ROBO3: variants seen among roughly 807,000 people sequenced by gnomAD.
ROBO3 encodes the protein roundabout guidance receptor 3.
ROBO3 carries 97 observed loss-of-function variants against 160.5 expected under a neutral mutation model. The observed-to-expected ratio is 0.60, with a 90% CI of 0.51 to 0.72. The LOEUF (loss-of-function observed/expected upper bound fraction) is 0.72, where lower values mean the gene tolerates loss of function less well. ROBO3 is among the 30% of genes least tolerant of loss of function. ROBO3 has a pLI of 0.00. For synonymous variants in ROBO3, 780 were observed against 746.2 expected (o/e 1.05, Z -0.74); for missense variants, 1,858 against 1,846.5 (o/e 1.01, Z -0.11).
At position 124,869,088 on chromosome 11, in the gene ROBO3, G is replaced by T; in HGVS notation, c.447G>T (p.Leu149=). The change falls in exon 2 of 28, where the codon CTG becomes CTT. Residue 149 remains leucine, a synonymous_variant. Transcript: ENST00000397801. The surrounding 1 kb of genome is among the most constrained non-coding windows in gnomAD (Gnocchi z 4.2). ...ACACTTGCGTGGCTCGCAACTACCT[G>T]GGGGCAGCAGCGAGCAGAAACGCCT... ...GVYTCVARNY[L]GAAASRNASL... 6.3e-7 allele frequency: 1 copy of T among 1,584,912 alleles called. No individual in the cohort carries two copies. The highest frequency in any genetic ancestry group is 1.3e-5 in the African/African-American group (1 of 74,278).
intron 27 of ROBO3, among the ~76,000 whole-genome samples, chr11:124,880,960 G>A: frequency 6.6e-6 from 1 of 152,146 alleles, no homozygotes; most frequent in East Asian, 1.9e-4. Context: ...GGCTTGAGGT[G>A]GGAGGATAGC....
In ROBO3 at chr11:124,878,513, A is replaced by G; in HGVS notation, c.3321-71A>G. On this transcript the variant is annotated intron_variant, in intron 22 of 27. Transcript: ENST00000397801. This position sits in a 1 kb window ranked among gnomAD's most constrained non-coding sequence, Gnocchi z 4.3. ...CTGCTGGGGAGGAAGGGGAGGGGGC[A>G]GCAGGAAGGCCAACGGGAAGGTATG... 2.5e-6 allele frequency: 4 copies of G among 1,600,944 alleles called. No homozygotes were observed. The South Asian group carries it at 3.3e-5, about 13-fold the overall frequency.
In ROBO3 at chr11:124,872,438, A is replaced by G; in HGVS notation, c.1216A>G (p.Arg406Gly). Residue 406 changes from arginine (R) to glycine (G), a missense_variant, in exon 8 of 28, where the codon AGA (arginine) becomes GGA (glycine). Coordinates refer to ENST00000397801, the MANE Select transcript of ROBO3 (RefSeq NM_022370.4). This position sits in a 1 kb window ranked among gnomAD's most constrained non-coding sequence, Gnocchi z 4.3. ...QPTGRFSVSP[R>G]GQLNITAVQR... ...GACGGGGCGCTTCTCAGTGTCTCCA[A>G]GAGGCCAACTTAACATCACCGCGGT... 3 of 1,613,996 alleles carry G rather than the reference A, an allele frequency of 1.9e-6. No individual in the cohort carries two copies. The highest frequency in any genetic ancestry group is 2.7e-5 in the African/African-American group (2 of 75,028).
Position 124,868,845 on chromosome 11 carries a change from G to A in ROBO3, c.204G>A (p.Glu68=). Residue 68 remains glutamate, a synonymous_variant, in exon 2 of 28, where the codon GAG becomes GAA. Transcript: ENST00000397801. The part of the protein sequence containing the change: ...GPEDAMPRIV[E]QPPDLLVSRG... ...AGGACGCTATGCCCCGCATCGTGGA[G>A]CAGCCGCCAGATCTGCTGGTCTCCC... 1 of 1,610,012 alleles carries A rather than the reference G, an allele frequency of 6.2e-7. No individual in the cohort carries two copies. The highest frequency in any genetic ancestry group is 8.5e-7 in the Non-Finnish European group (1 of 1,178,752).
chr11:124,880,683 G>T, intron 27 of ROBO3, 75 bp downstream of exon 27: 2 of 1,451,756 alleles, frequency 1.4e-6, no homozygotes, highest in Non-Finnish European at 1.8e-6. Flanking sequence ...TGGAAAACAG[G>T]AAGGTGGGCA....
chr11:124,870,425 CT>C, intron 5 of ROBO3, 122 bp downstream of exon 5: 1 of 1,474,432 alleles, frequency 6.8e-7, no homozygotes, highest in Non-Finnish European at 9.2e-7. Flanking sequence ...TCCCTAGAGC[CT>C]GTGGCCCCAG....
At chr11:124,877,489 C>G (rs900351274) in intron 19 of ROBO3, 30 bp from the exon 20 acceptor site, 3 of 1,599,196 alleles carry the variant, frequency 1.9e-6, no homozygotes, top group Non-Finnish European at 2.6e-6. Flanking sequence ...TCAGGCTCTC[C>G]GTCCCCAACG....
Position 124,876,402 on chromosome 11 carries a change from G to A in ROBO3, c.2721G>A (p.Gly907=), listed in dbSNP as rs1336718672. 5 of 1,454,966 alleles carry A rather than the reference G, an allele frequency of 3.4e-6. No homozygotes were observed. The South Asian group carries it at 6.8e-5, about 20-fold the overall frequency. The allele number at this position is 1,454,966 out of a possible 1,614,324, so 90.1% of individuals were successfully genotyped here. Residue 907 remains glycine, a synonymous_variant, in exon 17 of 28, where the codon GGG becomes GGA. Coordinates refer to ENST00000397801, the MANE Select transcript of ROBO3 (RefSeq NM_022370.4). The surrounding 1 kb of genome is among the most constrained non-coding windows in gnomAD (Gnocchi z 5.3). ...SGAACGALLL[G]LCAALYWRRK... is the part of the protein sequence containing the mutation. ...CAGCCTGCGGGGCGCTGCTTCTCGG[G>A]CTCTGCGCCGCCCTCTACTGGCGCC... is the stretch of plus-strand genomic sequence containing the variant.
In ROBO3 at chr11:124,874,841, G is replaced by A; in HGVS notation, c.2005G>A (p.Ala669Thr). Reference protein sequence around the residue: ...EDPWRGQQGLAEVAVRLQEPI... With the variant: ...EDPWRGQQGLTEVAVRLQEPI... ...CCCATGGAGAGGCCAGCAGGGACTG[G>A]CGGAAGTGGCTGTGCGCCTGCAGGA... is the stretch of plus-strand genomic sequence containing the variant. Residue 669 changes from alanine to threonine, a missense_variant, in exon 13 of 28, where the codon GCG becomes ACG. Transcript: ENST00000397801. 6.2e-7 allele frequency: 1 copy of A among 1,602,310 alleles called. No homozygotes were observed. Among genetic ancestry groups the A allele is most frequent in the Non-Finnish European group, 8.5e-7 (1 of 1,174,580 alleles).
At position 124,872,764 on chromosome 11, in the gene ROBO3, G is replaced by A; in HGVS notation, c.1331-120G>A. 1.0e-6 allele frequency: 1 copy of A among 997,458 alleles called. No individual in the cohort carries two copies. Among genetic ancestry groups the A allele is most frequent in the Non-Finnish European group, 1.4e-6 (1 of 696,436 alleles). 61.8% of individuals were successfully genotyped at this position (997,458 alleles called of 1,614,324 possible). A position where few individuals can be genotyped will look rare whatever the true frequency, so the allele number is the denominator to read the frequency against. On this transcript the variant is annotated intron_variant, in intron 8 of 27. Transcript: ENST00000397801. This position sits in a 1 kb window ranked among gnomAD's most constrained non-coding sequence, Gnocchi z 4.3. ...TCAGATGATTATCAAAGCCCCCTCT[G>A]ATCACCGGAAGTTTCAGGGGCTGGG...
rs748904945 is a variant in ROBO3 at position 124,873,732 on chromosome 11, C to A, written c.1654C>A (p.Pro552Thr). 1 of 1,613,794 alleles carries A rather than the reference C, an allele frequency of 6.2e-7. No individual in the cohort carries two copies. The highest frequency in any genetic ancestry group is 1.7e-5 in the Admixed American group (1 of 60,022). ...WGVSPDPPTE[P>T]SSPPGAPSQP... Reference sequence around the variant, plus strand: ...AGTATCACCAGACCCCCCTACAGAACCCAGTTCCCCTCCGGGGGCTCCCTC... The same window carrying A: ...AGTATCACCAGACCCCCCTACAGAAACCAGTTCCCCTCCGGGGGCTCCCTC... Residue 552 changes from proline to threonine, a missense_variant, in exon 11 of 28, where the codon CCC (proline) becomes ACC (threonine). Pro to Thr is a conservative substitution (Grantham distance 38). Coordinates refer to ENST00000397801, the MANE Select transcript of ROBO3 (RefSeq NM_022370.4). The surrounding 1 kb of genome is among the most constrained non-coding windows in gnomAD (Gnocchi z 4.5).
rs1022999467 is a variant in ROBO3, at chr11:124,874,798, C to T, written c.1962C>T (p.Pro654=). 10 of 1,605,920 alleles carry T rather than the reference C, an allele frequency of 6.2e-6. No individual in the cohort carries two copies. Among genetic ancestry groups the T allele is most frequent in the African/African-American group, 4.0e-5 (3 of 74,834 alleles). The stretch of plus-strand genomic sequence containing the variant: ...TTCCTTGGTCAACAGATAGCAGCCC[C>T]TCTAGGCCAGTGGAGGACCCATGGA... ...SEPVRTQDSS[P]SRPVEDPWRG... The change falls in exon 13 of 28, where the codon CCC becomes CCT. Residue 654 remains proline, a synonymous_variant. Transcript: ENST00000397801.
In ROBO3 at chr11:124,875,979, G is replaced by A. The variant is rs758219332; in HGVS notation, c.2447G>A (p.Arg816His). 11 of 1,599,844 alleles carry A rather than the reference G, an allele frequency of 6.9e-6. No individual in the cohort carries two copies. The highest frequency in any genetic ancestry group is 4.5e-5 in the South Asian group (4 of 88,136). Residue 816 changes from arginine (R) to histidine (H), a missense_variant, in exon 16 of 28, where the codon CGC (arginine) becomes CAC (histidine). Transcript: ENST00000397801. ...YQIWCLGNES[R>H]FHLNRSAAGW... ...ATCTGGTGCCTGGGCAATGAGAGCC[G>A]CTTTCACCTCAATCGATCTGCAGCA... is the stretch of plus-strand genomic sequence containing the variant.
rs769297563 is a variant in ROBO3 at position 124,876,481 on chromosome 11, C to A, written c.2779+21C>A. The A allele has an allele frequency of 2.2e-6, 3 of 1,361,998 alleles. No individual in the cohort carries two copies. Among genetic ancestry groups the A allele is most frequent in the Admixed American group, 3.6e-5 (1 of 27,636 alleles). The allele number at this position is 1,361,998 out of a possible 1,614,324, so 84.4% of individuals were successfully genotyped here. On this transcript the variant is annotated intron_variant, in intron 17 of 27. Coordinates refer to ENST00000397801, the MANE Select transcript of ROBO3 (RefSeq NM_022370.4). The surrounding 1 kb of genome is among the most constrained non-coding windows in gnomAD (Gnocchi z 5.3). ...CACGGGTGAGCTCCCGGCCTCGGAG[C>A]GGACGGATCCGGGAGGGAGCCAGGC...
In ROBO3 at chr11:124,875,243, C is replaced by T. The variant is rs780854973; in HGVS notation, c.2206C>T (p.Pro736Ser). 3.7e-6 allele frequency: 6 copies of T among 1,613,734 alleles called. No individual in the cohort carries two copies. In the Admixed American group the frequency reaches 8.3e-5, roughly 22 times the overall value. The change falls in exon 14 of 28, where the codon CCA becomes TCA. Residue 736 changes from proline (P) to serine (S), a missense_variant. Coordinates refer to ENST00000397801, the MANE Select transcript of ROBO3 (RefSeq NM_022370.4). ...AAGTACTGTGCTAAGAGGACTCCCT[C>T]CAGGGACCCAAATCCAGATCAAGGT... The part of the protein sequence containing the change: ...QQSTVLRGLP[P>S]GTQIQIKVQA...
chr11:124,873,502 A>G lies in ROBO3; in HGVS notation c.1618+111A>G. ...GGATTAACTTTATGTCACAAATGCCATGGTTACGGTGGTGAGGATGAGAAG... is the reference window on the plus strand; with the variant it reads ...GGATTAACTTTATGTCACAAATGCCGTGGTTACGGTGGTGAGGATGAGAAG... On this transcript the variant is annotated intron_variant, in intron 10 of 27. Transcript: ENST00000397801. This position sits in a 1 kb window ranked among gnomAD's most constrained non-coding sequence, Gnocchi z 4.5. The G allele has an allele frequency of 2.7e-6, 3 of 1,117,386 alleles. No homozygotes were observed. The highest frequency in any genetic ancestry group is 1.4e-5 in the South Asian group (1 of 72,158). 69.2% of individuals were successfully genotyped at this position (1,117,386 alleles called of 1,614,324 possible).
At chr11:124,868,591 G>T in intron 1 of ROBO3, 1 of 678,062 alleles carries the variant, frequency 1.5e-6, no homozygotes, top group Non-Finnish European at 2.7e-6. Flanking sequence ...CGGCCTGTCT[G>T]TAGGCATCTT....
rs1946294917 is a variant in ROBO3 at position 124,872,812 on chromosome 11, G to A, written c.1331-72G>A. On this transcript the variant is annotated intron_variant, in intron 8 of 27. Coordinates refer to ENST00000397801, the MANE Select transcript of ROBO3 (RefSeq NM_022370.4). This position sits in a 1 kb window ranked among gnomAD's most constrained non-coding sequence, Gnocchi z 4.3. ...GGGGTAGGGAGGGTGAAGGAGCAGA[G>A]AATGAGGACAAGGGGCTGCCCGCGG... The A allele has an allele frequency of 7.7e-7, 1 of 1,297,914 alleles. No individual in the cohort carries two copies. The highest frequency in any genetic ancestry group is 1.0e-6 in the Non-Finnish European group (1 of 958,874). The allele number at this position is 1,297,914 out of a possible 1,614,324, so 80.4% of individuals were successfully genotyped here.
chr11:124,865,930 T>C lies in ROBO3; in HGVS notation c.160+193T>C, dbSNP rs1438486613. 6.6e-6 allele frequency among the ~76,000 whole-genome samples: 1 copy of C among 151,864 alleles called. No individual in the cohort carries two copies. The highest frequency in any genetic ancestry group is 2.4e-5 in the African/African-American group (1 of 41,314). ...CATGAGTGGGGGTACCCGCGGGAGG[T>C]CGAGGGCTTGGGAGAAGATGGCTAC... On this transcript the variant is annotated intron_variant, in intron 1 of 27. Transcript: ENST00000397801. This position sits in a 1 kb window ranked among gnomAD's most constrained non-coding sequence, Gnocchi z 5.5.
Sources: gnomAD v4.1 joint callset for allele counts (sites outside exome capture counted in the v4.1 genomes callset) on GRCh38, gnomAD v4.1.1 for gene constraint, Gnocchi (gnomAD v3.1) non-coding constraint, MANE v1.5 for transcripts, NCBI Gene and HGNC (gene_info 2026-07-23, HGNC 2026-07-21) for gene names.